The following ZNF648 variants were observed in gnomAD, a reference collection of about 807,000 sequenced individuals.
ZNF648 encodes zinc finger protein 648.
ZNF648 carries 1 observed loss-of-function variant against 0.3 expected under a neutral mutation model. The ratio of observed to expected loss-of-function variants is 3.90; its 90% confidence interval spans 1.39 to 18.51. ZNF648 has a LOEUF of 18.51. Among genes scored for constraint, ZNF648 ranks in the 30% most tolerant of loss-of-function variants. ZNF648 has a pLI of 0.11. For synonymous variants in ZNF648, 376 were observed against 326.8 expected, an observed-to-expected ratio of 1.15 and a Z score of -1.62; for missense variants, 874 against 769.7, an observed-to-expected ratio of 1.14 and a Z score of -1.60.
At chr1:182,069,537 C>T in the ZNF648 span, among the ~76,000 whole-genome samples, 1 of 152,138 alleles carries the variant, frequency 6.6e-6, no homozygotes, top group South Asian at 2.1e-4. Context: ...ATTCTCCTGG[C>T]AGGATGAGCT....
Position 182,056,954 on chromosome 1 carries a change from G to C in ZNF648, c.1057C>G (p.His353Asp). The stretch of plus-strand genomic sequence containing the variant: ...TTGTTGCTGTGCATGTTGCGCTGGT[G>C]TTTGCGCAGGTCCGAAGAGCGCACG... ...AFVRSSDLRK[H>D]QRNMHSNNKP... The change falls in exon 2 of 2, where the codon CAC becomes GAC. Residue 353 changes from histidine to aspartate, a missense_variant. By Grantham distance (81) the His-to-Asp change is moderately conservative. Coordinates refer to ENST00000339948, the MANE Select transcript of ZNF648 (RefSeq NM_001009992.1). The C allele has an allele frequency of 3.1e-6, 5 of 1,613,466 alleles. No homozygotes were observed. The highest frequency in any genetic ancestry group is 4.2e-6 in the Non-Finnish European group (5 of 1,179,792).
Position 182,056,399 on chromosome 1 carries a change from C to G in ZNF648, c.1612G>C (p.Gly538Arg). The change falls in exon 2 of 2, where the codon GGC (glycine) becomes CGC (arginine). Residue 538 changes from glycine (G) to arginine (R), a missense_variant. Transcript: ENST00000339948. ...TGATTGGACCTGGTGAAGGCCTGGC[C>G]GCAGTCCTCACACTGGTAGGGCCTC... Reference protein sequence around the residue: ...GERPYQCEDCGQAFTRSNHLQ... With the variant: ...GERPYQCEDCRQAFTRSNHLQ... 1 of 1,614,174 alleles carries G rather than the reference C, an allele frequency of 6.2e-7. No homozygotes were observed. Among genetic ancestry groups the G allele is most frequent in the Non-Finnish European group, 8.5e-7 (1 of 1,180,036 alleles).
upstream of ZNF648, among the ~76,000 whole-genome samples, chr1:182,062,382 A>C (rs368669500): frequency 1.3e-5 from 2 of 152,202 alleles, no homozygotes; most frequent in African/African-American, 4.8e-5. Flanking sequence ...TATTAGGATG[A>C]ACATTCAGGG....
At position 182,056,927 on chromosome 1, in the gene ZNF648, T is replaced by G. The variant is rs751664571; in HGVS notation, c.1084A>C (p.Lys362Gln). ...CCGCACTCGGAGCACGGGAAGGGCT[T>G]ATTGTTGCTGTGCATGTTGCGCTGG... ...KHQRNMHSNNKPFPCSECGLT... is the reference protein window; with the variant it reads ...KHQRNMHSNNQPFPCSECGLT... Residue 362 changes from lysine (K) to glutamine (Q), a missense_variant, in exon 2 of 2, where the codon AAG (lysine) becomes CAG (glutamine). Physicochemically the swap from Lys to Gln is moderately conservative, Grantham distance 53. Coordinates refer to ENST00000339948, the MANE Select transcript of ZNF648 (RefSeq NM_001009992.1). The G allele has an allele frequency of 6.2e-7, 1 of 1,609,936 alleles. No individual in the cohort carries two copies. Among genetic ancestry groups the G allele is most frequent in the South Asian group, 1.1e-5 (1 of 90,548 alleles).
upstream of ZNF648, among the ~76,000 whole-genome samples, chr1:182,065,311 A>G (rs1025205581): frequency 3.3e-5 from 5 of 152,120 alleles, no homozygotes; most frequent in African/African-American, 9.7e-5. Flanking sequence ...CCCCAAGGCT[A>G]TGTGACCTGT....
upstream of ZNF648, chr1:182,062,984 T>G (rs1298981112): frequency 6.6e-6 from 1 of 152,224 alleles, no homozygotes; most frequent in Non-Finnish European, 1.5e-5. Flanking sequence ...TTTGCCAGTT[T>G]GCTGAGGATA....
At chr1:182,061,133 G>T (rs985088378) in intron 1 of ZNF648, among the ~76,000 whole-genome samples, 2 of 152,168 alleles carry the variant, frequency 1.3e-5, no homozygotes, top group Non-Finnish European at 2.9e-5. Flanking sequence ...GCTGCCACAC[G>T]CATGCTCTCG....
rs371681645 is a variant in ZNF648, at chr1:182,057,133, G to A, written c.878C>T (p.Thr293Ile). The part of the protein sequence containing the change: ...LCGKAYSHRG[T>I]LQQHRRLHTG... Reference sequence around the variant, plus strand: ...GTGCAGGCGCCTGTGCTGCTGGAGTGTGCCGCGGTGGGAGTAGGCCTTCCC... The same window carrying A: ...GTGCAGGCGCCTGTGCTGCTGGAGTATGCCGCGGTGGGAGTAGGCCTTCCC... The change falls in exon 2 of 2, where the codon ACA (threonine) becomes ATA (isoleucine). Residue 293 changes from threonine (T) to isoleucine (I), a missense_variant. Coordinates refer to ENST00000339948, the MANE Select transcript of ZNF648 (RefSeq NM_001009992.1). 1 of 1,605,554 alleles carries A rather than the reference G, an allele frequency of 6.2e-7. No homozygotes were observed. The highest frequency in any genetic ancestry group is 1.3e-5 in the African/African-American group (1 of 74,926).
rs1273955580 is a variant in ZNF648, at chr1:182,056,782, T to C, written c.1229A>G (p.His410Arg). Residue 410 changes from histidine to arginine, a missense_variant, in exon 2 of 2, where the codon CAC (histidine) becomes CGC (arginine). Transcript: ENST00000339948. ...CCGCTCGCCCGAGTGCACGCGCTGG[T>C]GCTCCACCATGCGGCTGGCCACAGC... ...EFAVASRMVE[H>R]QRVHSGERPF... 5.1e-6 allele frequency: 8 copies of C among 1,556,744 alleles called. No individual in the cohort carries two copies. Among genetic ancestry groups the C allele is most frequent in the Non-Finnish European group, 7.0e-6 (8 of 1,150,378 alleles).
rs766198161 is a variant in ZNF648, at chr1:182,057,687, T to C, written c.324A>G (p.Thr108=). Residue 108 remains threonine, a synonymous_variant, in exon 2 of 2, where the codon ACA becomes ACG. Transcript: ENST00000339948. The part of the protein sequence containing the change: ...SGKASWSRDV[T]KINETQGSPG... ...GGGAACCCTGGGTCTCGTTGATCTT[T>C]GTCACATCTCTGCTCCAACTGGCTT... The C allele has an allele frequency of 6.2e-6, 10 of 1,614,116 alleles. No individual in the cohort carries two copies. Among genetic ancestry groups the C allele is most frequent in the Admixed American group, 1.7e-5 (1 of 60,004 alleles).
At chr1:182,068,721 G>A in the ZNF648 span, among the ~76,000 whole-genome samples, 3 of 151,934 alleles carry the variant, frequency 2.0e-5, no homozygotes, top group East Asian at 2.0e-4. Flanking sequence ...CCAGGAGTTC[G>A]AGACCAGCCT....
In ZNF648 at chr1:182,054,949, C is replaced by G. The variant is rs1665885145; in HGVS notation, c.*1355G>C. On this transcript the variant is annotated 3_prime_UTR_variant, in exon 2 of 2. Transcript: ENST00000339948. ...TAGAGGTCACACCCTAGTTCCAAAT[C>G]AGGTGGAAACCAAGAGAAATTCAGA... is the stretch of plus-strand genomic sequence containing the variant. The G allele has an allele frequency of 1.3e-5, 2 of 152,216 alleles. No homozygotes were observed. Among genetic ancestry groups the G allele is most frequent in the Non-Finnish European group, 2.9e-5 (2 of 68,038 alleles). The allele number at this position is 152,216 out of a possible 1,614,324, so 9.4% of individuals were successfully genotyped here. A position where few individuals can be genotyped will look rare whatever the true frequency, so the allele number is the denominator to read the frequency against.
At chr1:182,066,059 C>G (rs1044966366), upstream of ZNF648, among the ~76,000 whole-genome samples, 5 of 152,190 alleles carry the variant, frequency 3.3e-5, no homozygotes, top group African/African-American at 1.2e-4. Context: ...GTTCCTTAAG[C>G]ATGGAAACAA....
At chr1:182,059,305 G>A (rs1423799396) in intron 1 of ZNF648, among the ~76,000 whole-genome samples, 1 of 152,186 alleles carries the variant, frequency 6.6e-6, no homozygotes, top group Non-Finnish European at 1.5e-5. Context: ...AGCCATTTGG[G>A]TTTTATTTTC....
intron 1 of ZNF648, among the ~76,000 whole-genome samples, chr1:182,059,180 T>TC (rs1665991060): frequency 6.6e-6 from 1 of 152,260 alleles, no homozygotes; most frequent in East Asian, 1.9e-4. Flanking sequence ...TGTTTAATCT[T>TC]CCCCCAAGTG....
intron 1 of ZNF648, among the ~76,000 whole-genome samples, chr1:182,059,449 C>A (rs1665994689): frequency 6.6e-6 from 1 of 152,194 alleles, no homozygotes; most frequent in Admixed American, 6.5e-5. Flanking sequence ...AGGGGGACAA[C>A]TGTTGACCAG....
intron 1 of ZNF648, among the ~76,000 whole-genome samples, chr1:182,059,803 C>CAAAAAA (rs11439786): frequency 7.3e-6 from 1 of 136,914 alleles, no homozygotes; most frequent in Non-Finnish European, 1.6e-5. Context: ...GACTACATCT[C>CAAAAAA]AAAAAAAAAA....
At chr1:182,066,191 G>GA (rs1448763408), upstream of ZNF648, among the ~76,000 whole-genome samples, 9 of 152,210 alleles carry the variant, frequency 5.9e-5, no homozygotes, top group Admixed American at 2.6e-4. Flanking sequence ...CTGGGAAGAG[G>GA]AAAAAGCAGA....
chr1:182,059,175 A>T (rs1050317656), intron 1 of ZNF648, among the ~76,000 whole-genome samples: 1 of 152,120 alleles, frequency 6.6e-6, no homozygotes, highest in Non-Finnish European at 1.5e-5. Context: ...TTAAATGTTT[A>T]ATCTTCCCCC....
Sources: gnomAD v4.1 joint callset for allele counts (sites outside exome capture counted in the v4.1 genomes callset) on GRCh38, gnomAD v4.1.1 for gene constraint, MANE v1.5 for transcripts, NCBI Gene and HGNC (gene_info 2026-07-23, HGNC 2026-07-21) for gene names.